The following UMAD1 variants were observed in gnomAD, a reference collection of about 807,000 sequenced individuals.
UMAD1 encodes the protein UBAP1-MVB12-associated (UMA)-domain containing protein 1.
Under a neutral mutation model 6.1 loss-of-function variants are expected in UMAD1, and 8 were observed. The observed-to-expected ratio is 1.30, with a 90% CI of 0.76 to 2.35. The LOEUF (loss-of-function observed/expected upper bound fraction) is 2.35. UMAD1 is among the 30% of genes most tolerant of loss of function. The pLI is 0.00. For synonymous variants in UMAD1, 56 were observed against 31.4 expected (o/e 1.78, Z -2.61); for missense variants, 130 against 78.4 (o/e 1.66, Z -2.49).
chr7:7,700,461 C>T (rs1419602398), intron 2 of UMAD1, among the ~76,000 whole-genome samples: 2 of 152,158 alleles, frequency 1.3e-5, no homozygotes, highest in Admixed American at 1.3e-4. Context: ...TGCAGTGGCT[C>T]ATGCCTGTAA....
intron 2 of UMAD1, among the ~76,000 whole-genome samples, chr7:7,719,204 G>A (rs1050984978): frequency 2.0e-5 from 3 of 152,174 alleles, no homozygotes; most frequent in Admixed American, 6.5e-5. Flanking sequence ...AATATGATCA[G>A]CAAGCTTTAG....
intron 1 of UMAD1, among the ~76,000 whole-genome samples, chr7:7,665,770 A>G (rs1191772174): frequency 6.6e-6 from 1 of 151,606 alleles, no homozygotes; most frequent in East Asian, 1.9e-4. Flanking sequence ...AGAAGCTTAT[A>G]TAAATGGAAT....
intron 1 of UMAD1, among the ~76,000 whole-genome samples, chr7:7,653,589 C>T (rs1372172925): frequency 6.6e-6 from 1 of 152,182 alleles, no homozygotes; most frequent in African/African-American, 2.4e-5. Context: ...AGAGGAGTTA[C>T]AACACATTTT....
At chr7:7,768,406 G>A (rs1292435349) in intron 2 of UMAD1, among the ~76,000 whole-genome samples, 1 of 152,144 alleles carries the variant, frequency 6.6e-6, no homozygotes, top group Non-Finnish European at 1.5e-5. Context: ...TCTTACTGGA[G>A]CAAGTATTTC....
At chr7:7,723,158 G>A (rs188494126) in intron 2 of UMAD1, among the ~76,000 whole-genome samples, 4 of 152,204 alleles carry the variant, frequency 2.6e-5, no homozygotes, top group Admixed American at 1.3e-4. Flanking sequence ...TAGAGGCAAG[G>A]TTCAGAGTGT....
intron 3 of UMAD1, among the ~76,000 whole-genome samples, chr7:7,847,764 T>C (rs1344455200): frequency 1.3e-5 from 2 of 152,172 alleles, no homozygotes; most frequent in African/African-American, 2.4e-5. Flanking sequence ...TTGCCCAGGC[T>C]GGTTTTGAAC....
At chr7:7,728,480 C>A (rs902475255) in intron 2 of UMAD1, among the ~76,000 whole-genome samples, 1 of 152,070 alleles carries the variant, frequency 6.6e-6, no homozygotes, top group African/African-American at 2.4e-5. Flanking sequence ...CCCGTCTCTG[C>A]TAAAAATACA....
chr7:7,676,893 CTT>C (rs1483931381), intron 2 of UMAD1, among the ~76,000 whole-genome samples: 1 of 151,976 alleles, frequency 6.6e-6, no homozygotes, highest in Non-Finnish European at 1.5e-5. Flanking sequence ...CAGGTAAACT[CTT>C]TTTTAAAAAA....
At chr7:7,678,361 T>C (rs1238706266) in intron 2 of UMAD1, among the ~76,000 whole-genome samples, 1 of 149,428 alleles carries the variant, frequency 6.7e-6, no homozygotes, top group Non-Finnish European at 1.5e-5. Flanking sequence ...TTTTTTAATA[T>C]GCCTATTGGT....
chr7:7,838,330 G>T (rs1474576221), intron 3 of UMAD1, among the ~76,000 whole-genome samples: 6 of 152,178 alleles, frequency 3.9e-5, no homozygotes, highest in Middle Eastern at 6.8e-3. Context: ...ATTAGTGAGG[G>T]AATACATGAT....
intron 2 of UMAD1, among the ~76,000 whole-genome samples, chr7:7,754,324 T>C (rs1387120118): frequency 1.3e-5 from 2 of 152,250 alleles, no homozygotes; most frequent in African/African-American, 4.8e-5. Context: ...TGATATCTTA[T>C]TGTAATTTTT....
chr7:7,877,012 T>C (rs1209495671), intron 3 of UMAD1, among the ~76,000 whole-genome samples: 2 of 152,212 alleles, frequency 1.3e-5, no homozygotes, highest in African/African-American at 4.8e-5. Flanking sequence ...TTGCAGACAT[T>C]ATCTGAGCAA....
intron 3 of UMAD1, among the ~76,000 whole-genome samples, chr7:7,803,611 C>G (rs2115276514): frequency 6.6e-6 from 1 of 152,114 alleles, no homozygotes; most frequent in Middle Eastern, 3.4e-3. Context: ...AATTGGATAC[C>G]TTATGAACAA....
intron 3 of UMAD1, among the ~76,000 whole-genome samples, chr7:7,832,877 C>T (rs533985938): frequency 6.6e-5 from 10 of 152,162 alleles, no homozygotes; most frequent in South Asian, 4.1e-4. Flanking sequence ...GAAGCTTCTT[C>T]GTAGTTGCAT....
chr7:7,790,903 T>C (rs897084947), intron 2 of UMAD1, among the ~76,000 whole-genome samples: 1 of 152,216 alleles, frequency 6.6e-6, no homozygotes, highest in African/African-American at 2.4e-5. Context: ...TTTTGTTTTT[T>C]TGATACAGAA....
At chr7:7,851,060 A>G (rs961167050) in intron 3 of UMAD1, among the ~76,000 whole-genome samples, 1 of 152,182 alleles carries the variant, frequency 6.6e-6, no homozygotes, top group Non-Finnish European at 1.5e-5. Flanking sequence ...TAGCTTTGAT[A>G]TGTTGGAAGT....
chr7:7,700,897 A>C (rs529884362), intron 2 of UMAD1, among the ~76,000 whole-genome samples: 2 of 151,870 alleles, frequency 1.3e-5, no homozygotes, highest in Non-Finnish European at 2.9e-5. Context: ...TTAAAAAAAA[A>C]CAAAATGCCA....
At chr7:7,678,115 G>T (rs1262994667) in intron 2 of UMAD1, among the ~76,000 whole-genome samples, 1 of 142,366 alleles carries the variant, frequency 7.0e-6, no homozygotes, top group East Asian at 2.1e-4. Context: ...CAATAGAATT[G>T]CTGTATCATA....
chr7:7,805,178 C>G (rs1165762080), intron 3 of UMAD1, among the ~76,000 whole-genome samples: 1 of 152,060 alleles, frequency 6.6e-6, no homozygotes, highest in Non-Finnish European at 1.5e-5. Flanking sequence ...GACTCTGTAC[C>G]CAACTGCCTA....
Sources: gnomAD v4.1 joint callset for allele counts (sites outside exome capture counted in the v4.1 genomes callset) on GRCh38, gnomAD v4.1.1 for gene constraint, MANE v1.5 for transcripts, NCBI Gene and HGNC (gene_info 2026-07-23, HGNC 2026-07-21) for gene names.